Variants in SKAP1 observed in about 807,000 individuals in gnomAD.
SKAP1 encodes src kinase-associated phosphoprotein 1.
SKAP1 carries 44 observed loss-of-function variants against 58.5 expected under a neutral mutation model. That is an observed-to-expected ratio of 0.75 (90% CI 0.59 to 0.97). SKAP1 has a LOEUF of 0.97. SKAP1 is among the 50% of genes least tolerant of loss of function. The probability of loss-of-function intolerance (pLI) is 0.00; values close to 1 mark genes in which losing one functional copy is unlikely to be tolerated. For synonymous variants in SKAP1, 127 were observed against 149.7 expected, an observed-to-expected ratio of 0.85 and a Z score of 1.11; for missense variants, 390 against 435.2, an observed-to-expected ratio of 0.90 and a Z score of 0.92.
chr17:48,224,969 A>G (rs1364038263), intron 4 of SKAP1, among the ~76,000 whole-genome samples: 1 of 152,222 alleles, frequency 6.6e-6, no homozygotes, highest in Non-Finnish European at 1.5e-5. Context: ...TTACATAGCC[A>G]TATTTGAATC....
intron 2 of SKAP1, among the ~76,000 whole-genome samples, chr17:48,387,049 T>C (rs2067286901): frequency 6.6e-6 from 1 of 152,206 alleles, no homozygotes. Flanking sequence ...CCTACCAACC[T>C]GCTCCATTTA....
At chr17:48,143,174 C>T (rs2063789469) in intron 11 of SKAP1, among the ~76,000 whole-genome samples, 2 of 148,998 alleles carry the variant, frequency 1.3e-5, no homozygotes, top group Non-Finnish European at 3.0e-5. Flanking sequence ...TGGGAAATTA[C>T]CTATAATTCT....
chr17:48,397,208 G>A (rs2067432196), intron 1 of SKAP1: 1 of 154,678 alleles, frequency 6.5e-6, no homozygotes, highest in South Asian at 2.1e-4. Context: ...TGATGGCAGA[G>A]AATGGACTGT....
chr17:48,284,593 T>C (rs757385775), intron 4 of SKAP1, among the ~76,000 whole-genome samples: 43 of 152,226 alleles, frequency 2.8e-4, no homozygotes, highest in Non-Finnish European at 5.6e-4. Flanking sequence ...AGTTGGCATG[T>C]TGTGAGAAAA....
intron 3 of SKAP1, among the ~76,000 whole-genome samples, chr17:48,360,589 A>G (rs1296258671): frequency 4.6e-5 from 7 of 152,174 alleles, no homozygotes; most frequent in Admixed American, 4.6e-4. Context: ...TATTAAAGCA[A>G]TATTATGTCT....
At chr17:48,344,982 C>A (rs1275774862) in intron 4 of SKAP1, among the ~76,000 whole-genome samples, 18 of 152,216 alleles carry the variant, frequency 1.2e-4, no homozygotes, top group Non-Finnish European at 2.9e-5. Context: ...CAACTTTATT[C>A]CCAATCCCTA....
chr17:48,224,445 A>G (rs1282568109), intron 4 of SKAP1, among the ~76,000 whole-genome samples: 2 of 152,222 alleles, frequency 1.3e-5, no homozygotes, highest in East Asian at 3.8e-4. Flanking sequence ...GAAAGTTTTC[A>G]GTCAGGAAAT....
rs868364898 is a variant in SKAP1 at position 48,164,923 on chromosome 17, A to C, written c.878-2354T>G. Among the ~76,000 whole-genome samples the C allele has an allele frequency of 3.3e-5, 5 of 152,244 alleles. No homozygotes were observed. The South Asian group carries it at 1.0e-3, about 32-fold the overall frequency. ...GATATGCATTTATGTGTATGTGTGC[A>C]TGCAACTTCACTAATTCATTCTCAT... On this transcript the variant is annotated intron_variant, in intron 10 of 12. Transcript: ENST00000336915.
intron 2 of SKAP1, among the ~76,000 whole-genome samples, chr17:48,377,577 CAAA>C (rs766249720): frequency 3.8e-4 from 44 of 116,082 alleles, no homozygotes; most frequent in African/African-American, 8.6e-4. Context: ...GACCCTGTCT[CAAA>C]AAAAAAAAAA....
At chr17:48,335,416 G>C (rs547440948) in intron 4 of SKAP1, among the ~76,000 whole-genome samples, 1 of 151,832 alleles carries the variant, frequency 6.6e-6, no homozygotes, top group Non-Finnish European at 1.5e-5. Context: ...AAGGCAGAAG[G>C]GTTACTTTTA....
At chr17:48,260,630 G>A (rs2065474453) in intron 4 of SKAP1, among the ~76,000 whole-genome samples, 1 of 151,848 alleles carries the variant, frequency 6.6e-6, no homozygotes, top group Non-Finnish European at 1.5e-5. Flanking sequence ...ACACTGGAGG[G>A]GTGTGTGTGT....
At position 48,347,417 on chromosome 17, in the gene SKAP1, T is replaced by C. The variant is rs111594924; in HGVS notation, c.179-1411A>G. On this transcript the variant is annotated intron_variant, in intron 3 of 12. Transcript: ENST00000336915. Reference sequence around the variant, plus strand: ...AAAGGTTTATTTCCTACAATTAAACTAGAAAGCCAGGGAGGTTATAAAATG... The same window carrying C: ...AAAGGTTTATTTCCTACAATTAAACCAGAAAGCCAGGGAGGTTATAAAATG... 1.6e-3 allele frequency among the ~76,000 whole-genome samples: 251 copies of C among 152,294 alleles called. 1 individual carries two copies. The highest frequency in any genetic ancestry group is 5.2e-3 in the African/African-American group (217 of 41,566).
chr17:48,224,762 G>T (rs532166486), intron 4 of SKAP1, among the ~76,000 whole-genome samples: 1 of 152,278 alleles, frequency 6.6e-6, no homozygotes, highest in African/African-American at 2.4e-5. Context: ...GGAGACCACT[G>T]ATCATGCTTA....
Position 48,322,195 on chromosome 17 carries a change from T to G in SKAP1, c.280+23710A>C, listed in dbSNP as rs148484879. 3.9e-3 allele frequency among the ~76,000 whole-genome samples: 600 copies of G among 152,330 alleles called. 5 individuals are homozygous for G. The highest frequency in any genetic ancestry group is 0.014 in the African/African-American group (577 of 41,558). On this transcript the variant is annotated intron_variant, in intron 4 of 12. Coordinates refer to ENST00000336915, the MANE Select transcript of SKAP1 (RefSeq NM_003726.4). Reference sequence around the variant, plus strand: ...TTTGTTCTCTTGCTACATTATAAAATTAGCATATTCTACCTTCATTACTTT... The same window carrying G: ...TTTGTTCTCTTGCTACATTATAAAAGTAGCATATTCTACCTTCATTACTTT...
At chr17:48,221,155 T>C (rs2065002245) in intron 4 of SKAP1, among the ~76,000 whole-genome samples, 1 of 151,878 alleles carries the variant, frequency 6.6e-6, no homozygotes, top group South Asian at 2.1e-4. Context: ...TAATCCCAGC[T>C]ACTCAGGAGG....
intron 4 of SKAP1, among the ~76,000 whole-genome samples, chr17:48,284,997 G>A (rs2065812922): frequency 6.6e-6 from 1 of 152,162 alleles, no homozygotes; most frequent in Non-Finnish European, 1.5e-5. Flanking sequence ...TTTGCCTATA[G>A]AGCAATTATT....
chr17:48,224,338 A>G (rs1220814728), intron 4 of SKAP1, among the ~76,000 whole-genome samples: 3 of 152,194 alleles, frequency 2.0e-5, no homozygotes, highest in Non-Finnish European at 2.9e-5. Context: ...AGTTTTCCCT[A>G]GTTTCCCTCA....
rs553804089 is a variant in SKAP1, at chr17:48,399,778, T to A, written c.47-2993A>T. ...CTCTTGTCTCAAAAAAAAAAAAAAA[T>A]TAAAAAGAAAATAAATGGTCAAAGA... On this transcript the variant is annotated intron_variant, in intron 1 of 12. Coordinates refer to ENST00000336915, the MANE Select transcript of SKAP1 (RefSeq NM_003726.4). 2.0e-3 allele frequency among the ~76,000 whole-genome samples: 280 copies of A among 137,952 alleles called. 1 individual carries two copies. The highest frequency in any genetic ancestry group is 7.4e-3 in the African/African-American group (274 of 37,114). The allele number at this position is 137,952 out of a possible 152,430, so 90.5% of individuals were successfully genotyped here.
At chr17:48,175,317 CA>C (rs1271254743) in intron 9 of SKAP1, among the ~76,000 whole-genome samples, 1 of 152,158 alleles carries the variant, frequency 6.6e-6, no homozygotes, top group Non-Finnish European at 1.5e-5. Flanking sequence ...AACCAGATGT[CA>C]AGGTGCTGTG....
Sources: allele counts gnomAD v4.1 joint callset (sites outside exome capture counted in the v4.1 genomes callset), GRCh38; gene constraint gnomAD v4.1.1; transcripts MANE v1.5; gene names NCBI Gene and HGNC (gene_info 2026-07-23, HGNC 2026-07-21).